The following AGBL1 variants were observed in gnomAD, a reference collection of about 807,000 sequenced individuals.
The protein encoded by AGBL1 is AGBL carboxypeptidase 1.
A neutral mutation model predicts 118.9 loss-of-function variants in AGBL1; 130 were observed. The observed-to-expected ratio is 1.09, with a 90% CI of 0.95 to 1.26. AGBL1 has a LOEUF of 1.26. Ranked by LOEUF, AGBL1 falls within the 50% of genes most tolerant of loss-of-function variation. AGBL1 has a pLI of 0.00. For synonymous variants in AGBL1, 555 were observed against 478.9 expected, an observed-to-expected ratio of 1.16 and a Z score of -2.08; for missense variants, 1,584 against 1,298.1, an observed-to-expected ratio of 1.22 and a Z score of -3.38.
At chr15:86,313,373 C>G (rs1270443599) in intron 17 of AGBL1, among the ~76,000 whole-genome samples, 1 of 152,146 alleles carries the variant, frequency 6.6e-6, no homozygotes, top group South Asian at 2.1e-4. Context: ...ACGCAAACAA[C>G]ATTTATTCCT....
intron 17 of AGBL1, among the ~76,000 whole-genome samples, chr15:86,324,840 C>T (rs958181257): frequency 8.5e-5 from 13 of 152,162 alleles, no homozygotes; most frequent in African/African-American, 2.6e-4. Flanking sequence ...GAAGTGGGGC[C>T]GAGTTTGGGG....
chr15:86,988,838 T>TAATA (rs1423063021), intron 24 of AGBL1, among the ~76,000 whole-genome samples: 1 of 152,194 alleles, frequency 6.6e-6, no homozygotes, highest in African/African-American at 2.4e-5. Context: ...ACATGAATAT[T>TAATA]AATATCACCC....
intron 3 of AGBL1, among the ~76,000 whole-genome samples, chr15:86,150,397 G>A (rs2077091777): frequency 6.6e-6 from 1 of 151,690 alleles, no homozygotes; most frequent in African/African-American, 2.4e-5. Context: ...TAATGAAGAA[G>A]AAAAGAAGAA....
At chr15:86,597,833 GGATAGATAGAAGTGGGGCAACTTATGT>G (rs1245087533) in intron 21 of AGBL1, among the ~76,000 whole-genome samples, 1 of 150,472 alleles carries the variant, frequency 6.6e-6, no homozygotes, top group Non-Finnish European at 1.5e-5. Context: ...AGGGGAAACT[GGATAGATAGAAGTGGGGCAACTTATGT>G]GATTGGTTTG....
intron 22 of AGBL1, among the ~76,000 whole-genome samples, chr15:86,741,114 A>T (rs2077671424): frequency 6.6e-6 from 1 of 152,048 alleles, no homozygotes; most frequent in Admixed American, 6.6e-5. Context: ...GCTACTAGCC[A>T]GTCTTTTGAT....
intron 21 of AGBL1, among the ~76,000 whole-genome samples, chr15:86,651,976 G>A (rs1037039252): frequency 2.0e-5 from 3 of 152,106 alleles, no homozygotes; most frequent in Non-Finnish European, 2.9e-5. Context: ...GGGAGTTTTT[G>A]CTTGTTTTTC....
At chr15:87,007,683 GT>G (rs1160463739) in intron 24 of AGBL1, among the ~76,000 whole-genome samples, 2 of 152,166 alleles carry the variant, frequency 1.3e-5, no homozygotes, top group African/African-American at 4.8e-5. Flanking sequence ...GATATAAAAT[GT>G]TTGCTGGTGG....
intron 22 of AGBL1, among the ~76,000 whole-genome samples, chr15:86,746,385 GTCCTGGTCAT>G (rs1444376307): frequency 6.6e-6 from 1 of 152,052 alleles, no homozygotes; most frequent in East Asian, 1.9e-4. Flanking sequence ...TCTGGCCCAA[GTCCTGGTCAT>G]TCCTGAGGTC....
At chr15:86,281,849 C>T (rs1206156769) in intron 16 of AGBL1, among the ~76,000 whole-genome samples, 1 of 152,176 alleles carries the variant, frequency 6.6e-6, no homozygotes, top group East Asian at 1.9e-4. Flanking sequence ...ATGTAGTCAT[C>T]ATTGTGTGAT....
At chr15:86,313,301 C>T (rs1432442820) in intron 17 of AGBL1, among the ~76,000 whole-genome samples, 1 of 152,066 alleles carries the variant, frequency 6.6e-6, no homozygotes, top group African/African-American at 2.4e-5. Flanking sequence ...TATTCAGATT[C>T]TGAACTCTTT....
chr15:86,626,932 G>A (rs962658842), intron 21 of AGBL1, among the ~76,000 whole-genome samples: 4 of 150,584 alleles, frequency 2.7e-5, no homozygotes, highest in Non-Finnish European at 4.4e-5. Flanking sequence ...CTGCCTCCCA[G>A]GTTCAAGCAA....
chr15:86,513,014 A>G (rs2083072090), intron 18 of AGBL1, among the ~76,000 whole-genome samples: 1 of 151,876 alleles, frequency 6.6e-6, no homozygotes, highest in Admixed American at 6.6e-5. Flanking sequence ...CAGTAATAGT[A>G]TAAAAATATT....
intron 17 of AGBL1, among the ~76,000 whole-genome samples, chr15:86,359,300 A>G (rs2080766497): frequency 1.3e-5 from 2 of 151,300 alleles, no homozygotes; most frequent in South Asian, 4.2e-4. Context: ...TAGTGTCCTC[A>G]GCACATTTTT....
Position 86,957,124 on chromosome 15 carries a change from G to A in AGBL1, c.3222-30863G>A, listed in dbSNP as rs548590346. 5.5e-4 allele frequency among the ~76,000 whole-genome samples: 83 copies of A among 152,190 alleles called. 1 individual carries two copies. The highest frequency in any genetic ancestry group is 4.3e-3 in the Admixed American group (65 of 15,260). On this transcript the variant is annotated intron_variant, in intron 23 of 24. Coordinates refer to the AGBL1 transcript ENST00000441037. ...AGCAGTATGATTGTCTCCATTCTGTGCGTGTGGGATCTGAAATCAAGTCTA... is the reference window on the plus strand; with the variant it reads ...AGCAGTATGATTGTCTCCATTCTGTACGTGTGGGATCTGAAATCAAGTCTA...
intron 24 of AGBL1, among the ~76,000 whole-genome samples, chr15:86,997,454 G>C (rs1175598580): frequency 1.3e-5 from 2 of 152,096 alleles, no homozygotes; most frequent in South Asian, 2.1e-4. Context: ...AAAAATAATT[G>C]AAGACTAAAT....
At chr15:87,027,562 A>T (rs1027988056) in intron 24 of AGBL1, among the ~76,000 whole-genome samples, 1 of 151,826 alleles carries the variant, frequency 6.6e-6, no homozygotes, top group Non-Finnish European at 1.5e-5. Context: ...AAATCATTCT[A>T]TTATAAAGAT....
chr15:86,253,028 T>C (rs1456762576), intron 7 of AGBL1, among the ~76,000 whole-genome samples: 1 of 151,840 alleles, frequency 6.6e-6, no homozygotes, highest in Non-Finnish European at 1.5e-5. Context: ...GCCATGAGGG[T>C]CTGGAGACGA....
At chr15:87,027,151 G>A (rs894551395) in intron 24 of AGBL1, among the ~76,000 whole-genome samples, 4 of 151,786 alleles carry the variant, frequency 2.6e-5, no homozygotes, top group Non-Finnish European at 5.9e-5. Flanking sequence ...TAAATACAAA[G>A]ATATACATGT....
Position 86,844,347 on chromosome 15 carries a change from C to T in AGBL1, c.3159-62740C>T, listed in dbSNP as rs114552323. On this transcript the variant is annotated intron_variant, in intron 22 of 22. Transcript: ENST00000614907. ...TCTCATAAGCAGTGAATGAGGGTTC[C>T]AGTTTTCCTACATCCTTGTCAACAA... 7.4e-3 allele frequency among the ~76,000 whole-genome samples: 1,125 copies of T among 152,220 alleles called. 8 individuals carry two copies. The highest frequency in any genetic ancestry group is 0.017 in the African/African-American group (704 of 41,542).
Sources: allele counts gnomAD v4.1 joint callset (sites outside exome capture counted in the v4.1 genomes callset), GRCh38; gene constraint gnomAD v4.1.1; transcripts MANE v1.5; gene names NCBI Gene and HGNC (gene_info 2026-07-23, HGNC 2026-07-21).